Variants in PARD3 observed in about 807,000 individuals in gnomAD.
PARD3 encodes partitioning defective 3 homolog.
In PARD3, 75 loss-of-function variants were observed where a neutral mutation model predicts 155.4. The ratio of observed to expected loss-of-function variants is 0.48; its 90% CI spans 0.40 to 0.58. PARD3 has a LOEUF of 0.58. PARD3 is among the 20% of genes least tolerant of loss of function. PARD3 has a pLI of 0.00. For missense variants in PARD3, 1,642 were observed against 1,721.7 expected (o/e 0.95, Z 0.82); for synonymous variants, 576 against 610.5 (o/e 0.94, Z 0.83).
chr10:34,460,826 C>T (rs762680057), intron 4 of PARD3, among the ~76,000 whole-genome samples: 1 of 151,466 alleles, frequency 6.6e-6, no homozygotes, highest in Non-Finnish European at 1.5e-5. Context: ...CAGCCAGACT[C>T]GTCTCAAAAA....
At chr10:34,437,686 TA>T (rs1327703383) in intron 5 of PARD3, among the ~76,000 whole-genome samples, 1 of 152,094 alleles carries the variant, frequency 6.6e-6, no homozygotes, top group African/African-American at 2.4e-5. Flanking sequence ...TTTAAACAGC[TA>T]AAATCAGCTC....
chr10:34,514,387 C>A (rs1366575864), intron 3 of PARD3, among the ~76,000 whole-genome samples: 1 of 152,218 alleles, frequency 6.6e-6, no homozygotes, highest in African/African-American at 2.4e-5. Flanking sequence ...CTTATTAACT[C>A]AACCCAGGAC....
intron 1 of PARD3, among the ~76,000 whole-genome samples, chr10:34,713,166 T>C (rs1024533481): frequency 2.0e-5 from 3 of 152,076 alleles, no homozygotes; most frequent in African/African-American, 7.2e-5. Flanking sequence ...GAGCCGAGAT[T>C]GCACCACTGC....
chr10:34,716,594 T>TTC (rs1488355218), intron 1 of PARD3, among the ~76,000 whole-genome samples: 20 of 141,760 alleles, frequency 1.4e-4, no homozygotes, highest in East Asian at 2.0e-4. Flanking sequence ...TCTTTTTTTT[T>TTC]TTTTTTTTTT....
At chr10:34,230,001 C>T (rs531424094) in intron 22 of PARD3, among the ~76,000 whole-genome samples, 12 of 152,034 alleles carry the variant, frequency 7.9e-5, no homozygotes, top group South Asian at 2.1e-4. Flanking sequence ...AATACTGAAG[C>T]GTTAGTTCAC....
chr10:34,440,839 T>C (rs893887679), intron 5 of PARD3, among the ~76,000 whole-genome samples: 2 of 151,918 alleles, frequency 1.3e-5, no homozygotes, highest in Non-Finnish European at 2.9e-5. Flanking sequence ...CCCAGATGCC[T>C]AGCAAGTGGT....
At chr10:34,457,729 T>C (rs2077411415) in intron 4 of PARD3, among the ~76,000 whole-genome samples, 1 of 152,136 alleles carries the variant, frequency 6.6e-6, no homozygotes, top group Non-Finnish European at 1.5e-5. Context: ...GACTCCCAAG[T>C]ACCTAAGACT....
intron 4 of PARD3, among the ~76,000 whole-genome samples, chr10:34,458,596 C>T (rs1009630162): frequency 6.6e-6 from 1 of 152,134 alleles, no homozygotes; most frequent in Non-Finnish European, 1.5e-5. Context: ...GTCTGGGCAA[C>T]AGAGAGAGAT....
rs569812480 is a variant in PARD3 at position 34,309,479 on chromosome 10, G to A, written c.3065+7628C>T. Among the ~76,000 whole-genome samples the A allele has an allele frequency of 8.4e-4, 115 of 136,144 alleles. 1 individual carries two copies. The highest frequency in any genetic ancestry group is 2.9e-3 in the African/African-American group (107 of 37,078). The allele number at this position is 136,144 out of a possible 152,430, so 89.3% of individuals were successfully genotyped here. A position where few individuals can be genotyped will look rare whatever the true frequency, so the allele number is the denominator to read the frequency against. ...AGGCTGAGGTGGGAGCATCACTTGAGCCCAGCAGTTCAAGGTGCAGTGAGG... is the reference window on the plus strand; with the variant it reads ...AGGCTGAGGTGGGAGCATCACTTGAACCCAGCAGTTCAAGGTGCAGTGAGG... On this transcript the variant is annotated intron_variant, in intron 20 of 24. Coordinates refer to ENST00000374788, the MANE Select transcript of PARD3 (RefSeq NM_001184785.2).
intron 1 of PARD3, among the ~76,000 whole-genome samples, chr10:34,732,309 G>C (rs1264994428): frequency 2.0e-5 from 3 of 152,220 alleles, no homozygotes; most frequent in Non-Finnish European, 4.4e-5. Context: ...TCTAGGGTAG[G>C]AGGCCTGAAG....
At position 34,350,145 on chromosome 10, in the gene PARD3, A is replaced by G. The variant is rs547452590; in HGVS notation, c.2068-2030T>C. On this transcript the variant is annotated intron_variant, in intron 14 of 24. Coordinates refer to ENST00000374788, the MANE Select transcript of PARD3 (RefSeq NM_001184785.2). ...CTTTTAATTTCTTTTAAAAAAACTGATTGGGGTTACAGTTTTGTTTTAAAT... is the reference window on the plus strand; with the variant it reads ...CTTTTAATTTCTTTTAAAAAAACTGGTTGGGGTTACAGTTTTGTTTTAAAT... 9.2e-5 allele frequency among the ~76,000 whole-genome samples: 14 copies of G among 152,326 alleles called. 1 individual carries two copies. The South Asian group carries it at 2.9e-3, about 32-fold the overall frequency.
rs181970196 is a variant in PARD3, at chr10:34,174,472, G to T, written c.3420-42889C>A. Among the ~76,000 whole-genome samples, 175 of 152,314 alleles carry T rather than the reference G, an allele frequency of 1.1e-3. 3 individuals carry two copies. Among genetic ancestry groups the T allele is most frequent in the South Asian group, 7.1e-3 (34 of 4,820 alleles). On this transcript the variant is annotated intron_variant, in intron 22 of 24. Coordinates refer to ENST00000374788, the MANE Select transcript of PARD3 (RefSeq NM_001184785.2). ...GAAATGCTTGTGTTACACATTGAAGGTCAGGAAAAATGTGTAAGAAAGAGG... is the reference window on the plus strand; with the variant it reads ...GAAATGCTTGTGTTACACATTGAAGTTCAGGAAAAATGTGTAAGAAAGAGG...
At chr10:34,708,957 G>A (rs1232572441) in intron 1 of PARD3, among the ~76,000 whole-genome samples, 2 of 152,132 alleles carry the variant, frequency 1.3e-5, no homozygotes, top group Admixed American at 1.3e-4. Context: ...CTAAGGAGTT[G>A]TGTTCTGAAG....
chr10:34,424,483 G>A (rs191261107), intron 5 of PARD3, among the ~76,000 whole-genome samples: 1 of 152,178 alleles, frequency 6.6e-6, no homozygotes, highest in African/African-American at 2.4e-5. Flanking sequence ...AGTAATTCAA[G>A]TAATCAAGAT....
chr10:34,211,114 C>T (rs1951725162), intron 22 of PARD3, among the ~76,000 whole-genome samples: 1 of 152,184 alleles, frequency 6.6e-6, no homozygotes, highest in African/African-American at 2.4e-5. Flanking sequence ...CAGCCTGTGA[C>T]AGGCTCATGA....
chr10:34,701,915 C>G (rs2094287395), intron 1 of PARD3, among the ~76,000 whole-genome samples: 1 of 152,112 alleles, frequency 6.6e-6, no homozygotes, highest in South Asian at 2.1e-4. Context: ...GTAATCCTAG[C>G]ACTTTGGGAG....
intron 2 of PARD3, among the ~76,000 whole-genome samples, chr10:34,684,824 C>CATAT (rs1564504758): frequency 1.9e-4 from 19 of 102,590 alleles, no homozygotes; most frequent in Middle Eastern, 5.3e-3. Flanking sequence ...CACACACACA[C>CATAT]ACACACATAT....
At chr10:34,379,384 G>T (rs1158113771) in intron 9 of PARD3, among the ~76,000 whole-genome samples, 1 of 152,048 alleles carries the variant, frequency 6.6e-6, no homozygotes, top group Non-Finnish European at 1.5e-5. Context: ...ACTTTAGGGT[G>T]CTTGGACTAT....
At chr10:34,776,860 G>A (rs1344084507) in intron 1 of PARD3, among the ~76,000 whole-genome samples, 3 of 146,078 alleles carry the variant, frequency 2.1e-5, no homozygotes, top group African/African-American at 7.7e-5. Flanking sequence ...GGTGGGGGAT[G>A]GAGTCTCACT....
Sources: gnomAD v4.1 joint callset for allele counts (sites outside exome capture counted in the v4.1 genomes callset) on GRCh38, gnomAD v4.1.1 for gene constraint, MANE v1.5 for transcripts, NCBI Gene and HGNC (gene_info 2026-07-23, HGNC 2026-07-21) for gene names.